ACSL1: variants seen among roughly 807,000 people sequenced by gnomAD.
ACSL1 encodes the protein long-chain-fatty-acid--CoA ligase 1.
Under a neutral mutation model 98.4 loss-of-function variants are expected in ACSL1, and 41 were observed. The observed-to-expected ratio is 0.42, with a 90% CI of 0.32 to 0.54. ACSL1 has a LOEUF of 0.54. Ranked by LOEUF, ACSL1 falls within the 20% of genes least tolerant of loss-of-function variation. ACSL1 has a pLI of 0.13. For missense variants in ACSL1, 734 were observed against 883.1 expected (o/e 0.83, Z 2.14); for synonymous variants, 316 against 322.7 (o/e 0.98, Z 0.22).
chr4:184,824,313 G>A (rs1320408455), intron 1 of ACSL1, among the ~76,000 whole-genome samples: 4 of 151,730 alleles, frequency 2.6e-5, no homozygotes, highest in African/African-American at 9.7e-5. Flanking sequence ...TTTTAGTAGA[G>A]ATAGGGTTTC....
In ACSL1 at chr4:184,766,080, TA is replaced by T; in HGVS notation, c.1264-95del. ...GGGGCCTGCTTGGGACCCCGTTCCC[TA>T]ACCCATAGCTGCAGACCACACGGAG... On this transcript the variant is annotated intron_variant, in intron 13 of 20. Transcript: ENST00000281455. The surrounding 1 kb of genome is among the most constrained non-coding windows in gnomAD (Gnocchi z 4.8). 8.5e-7 allele frequency: 1 copy of T among 1,171,194 alleles called. No homozygotes were observed. The highest frequency in any genetic ancestry group is 1.2e-6 in the Non-Finnish European group (1 of 804,170). The allele number at this position is 1,171,194 out of a possible 1,614,324, so 72.6% of individuals were successfully genotyped here. A position where few individuals can be genotyped will look rare whatever the true frequency, so the allele number is the denominator to read the frequency against.
At chr4:184,822,405 T>C (rs1773127882) in intron 1 of ACSL1, among the ~76,000 whole-genome samples, 1 of 152,138 alleles carries the variant, frequency 6.6e-6, no homozygotes, top group Non-Finnish European at 1.5e-5. Flanking sequence ...TCAAAGGTCA[T>C]AAGTGAATCA....
intron 1 of ACSL1, among the ~76,000 whole-genome samples, chr4:184,805,942 G>GCCAC (rs1478372880): frequency 6.6e-6 from 1 of 152,204 alleles, no homozygotes; most frequent in Non-Finnish European, 1.5e-5. Flanking sequence ...AGGATAGGAT[G>GCCAC]CCGGGTGGTA....
chr4:184,823,432 T>C (rs1199693318), intron 1 of ACSL1, among the ~76,000 whole-genome samples: 2 of 152,330 alleles, frequency 1.3e-5, no homozygotes, highest in Non-Finnish European at 2.9e-5. Flanking sequence ...ACTTACACAA[T>C]AAATTCAATT....
intron 2 of ACSL1, chr4:184,798,935 T>C (rs898217024): frequency 2.0e-5 from 3 of 152,214 alleles, no homozygotes; most frequent in African/African-American, 7.2e-5. Context: ...TTCATAATGG[T>C]TCATGGCCTA....
chr4:184,825,269 T>G lies in ACSL1; in HGVS notation c.-33+647A>C. ...GCCAGGTGACAGACATCATCTTTGC[T>G]TCTCAATTTCAAAAAATGCCAGCAC... On this transcript the variant is annotated intron_variant, in intron 1 of 20. Transcript: ENST00000281455. The surrounding 1 kb of genome is among the most constrained non-coding windows in gnomAD (Gnocchi z 4.7). 1.5e-5 allele frequency: 15 copies of G among 985,344 alleles called. No individual in the cohort carries two copies. Among genetic ancestry groups the G allele is most frequent in the Non-Finnish European group, 1.8e-5 (15 of 829,854 alleles). 61.0% of individuals were successfully genotyped at this position (985,344 alleles called of 1,614,324 possible). A position where few individuals can be genotyped will look rare whatever the true frequency, so the allele number is the denominator to read the frequency against.
At chr4:184,787,068 C>T (rs527917651) in intron 3 of ACSL1, among the ~76,000 whole-genome samples, 1 of 152,266 alleles carries the variant, frequency 6.6e-6, no homozygotes, top group African/African-American at 2.4e-5. Context: ...TGGTTCCTGA[C>T]CGTAAAAAGA....
chr4:184,772,018 AT>A (rs1764591195), intron 10 of ACSL1, among the ~76,000 whole-genome samples: 1 of 152,228 alleles, frequency 6.6e-6, no homozygotes, highest in African/African-American at 2.4e-5. Flanking sequence ...AATATTGTCC[AT>A]TATCATGATT....
chr4:184,786,637 G>A (rs192478413), intron 3 of ACSL1, among the ~76,000 whole-genome samples: 62 of 151,634 alleles, frequency 4.1e-4, no homozygotes, highest in Non-Finnish European at 7.9e-4. Context: ...GGACAAACTC[G>A]CCAAGCTGAG....
intron 2 of ACSL1, among the ~76,000 whole-genome samples, chr4:184,793,110 T>C (rs1768690180): frequency 6.6e-6 from 1 of 151,530 alleles, no homozygotes; most frequent in African/African-American, 2.4e-5. Context: ...AAATCAGTCA[T>C]GAGCCAGTGA....
intron 2 of ACSL1, among the ~76,000 whole-genome samples, chr4:184,793,338 G>T (rs1768750087): frequency 6.6e-6 from 1 of 152,156 alleles, no homozygotes; most frequent in African/African-American, 2.4e-5. Context: ...ACAAGTTCAA[G>T]TCCCCCTTGG....
chr4:184,758,026 T>C, intron 18 of ACSL1, 106 bp from the exon 19 acceptor site: 1 of 1,103,514 alleles, frequency 9.1e-7, no homozygotes, highest in Middle Eastern at 2.1e-4. Context: ...ATGATGAAAG[T>C]TATGGCTCAT....
chr4:184,804,557 G>A (rs1250038813), intron 1 of ACSL1, among the ~76,000 whole-genome samples: 2 of 151,258 alleles, frequency 1.3e-5, no homozygotes, highest in East Asian at 3.9e-4. Flanking sequence ...CTCCAATCTG[G>A]GCAACAAAGT....
At chr4:184,818,646 T>C (rs1429981050) in intron 1 of ACSL1, among the ~76,000 whole-genome samples, 1 of 152,144 alleles carries the variant, frequency 6.6e-6, no homozygotes, top group East Asian at 1.9e-4. Context: ...AGGCCCTGTA[T>C]TAAACGCTGC....
chr4:184,797,970 G>A (rs58898729), intron 2 of ACSL1, among the ~76,000 whole-genome samples: 15,369 of 152,248 alleles, frequency 0.1, 943 homozygotes, highest in Non-Finnish European at 0.14. Context: ...GCTAAAGCAA[G>A]TCGCTAACCA....
intron 5 of ACSL1, among the ~76,000 whole-genome samples, chr4:184,778,687 C>A (rs1022461444): frequency 6.6e-6 from 1 of 152,178 alleles, no homozygotes; most frequent in African/African-American, 2.4e-5. Context: ...CTTTGGCACC[C>A]CAACACAGTG....
rs1009243258 is a variant in ACSL1 at position 184,784,135 on chromosome 4, G to T, written c.311-144C>A. 2.1e-5 allele frequency: 14 copies of T among 651,596 alleles called. No homozygotes were observed. In the East Asian group the frequency reaches 4.0e-4, roughly 19 times the overall value. The allele number at this position is 651,596 out of a possible 1,614,324, so 40.4% of individuals were successfully genotyped here. A position where few individuals can be genotyped will look rare whatever the true frequency, so the allele number is the denominator to read the frequency against. ...GATAAGAAATGGTGGCTTCAGATTG[G>T]AAATGTTTTCTCCCTCAGTTTTGGT... On this transcript the variant is annotated intron_variant, in intron 3 of 20. Transcript: ENST00000281455.
chr4:184,783,595 T>C (rs571640014), intron 4 of ACSL1, among the ~76,000 whole-genome samples: 3 of 152,352 alleles, frequency 2.0e-5, no homozygotes, highest in Admixed American at 2.0e-4. Flanking sequence ...TTCTGAGTTT[T>C]TCTAGTACCC....
chr4:184,823,208 C>G (rs1047118517), intron 1 of ACSL1, among the ~76,000 whole-genome samples: 1 of 152,180 alleles, frequency 6.6e-6, no homozygotes, highest in African/African-American at 2.4e-5. Flanking sequence ...GTCAGATCAC[C>G]GCCTGTCAGA....
Sources: allele counts gnomAD v4.1 joint callset (sites outside exome capture counted in the v4.1 genomes callset), GRCh38; gene constraint gnomAD v4.1.1; non-coding constraint Gnocchi (gnomAD v3.1); transcripts MANE v1.5; gene names NCBI Gene and HGNC (gene_info 2026-07-23, HGNC 2026-07-21).